Variants in SLC25A29 observed in about 807,000 individuals in gnomAD.
SLC25A29 encodes the protein mitochondrial basic amino acids transporter.
In SLC25A29, 13 loss-of-function variants were observed where a neutral mutation model predicts 10.0. That is an observed-to-expected ratio of 1.30 (90% CI 0.85 to 2.07). SLC25A29 has a LOEUF of 2.07. Ranked by LOEUF, SLC25A29 falls within the 30% of genes most tolerant of loss-of-function variation. SLC25A29 has a pLI of 0.00. For synonymous variants in SLC25A29, 244 were observed against 221.1 expected, an observed-to-expected ratio of 1.10 and a Z score of -0.92; for missense variants, 475 against 447.6, an observed-to-expected ratio of 1.06 and a Z score of -0.55.
Position 100,306,180 on chromosome 14 carries a change from C to A in SLC25A29, c.34+19G>T. Reference sequence around the variant, plus strand: ...CCGGACGCCTCGCCCCGGCCCGGCCCGGCCCGCCGCCTCCTTACCCCCCGC... The same window carrying A: ...CCGGACGCCTCGCCCCGGCCCGGCCAGGCCCGCCGCCTCCTTACCCCCCGC... On this transcript the variant is annotated intron_variant, in intron 1 of 3. Transcript: ENST00000359232. 1 of 1,471,964 alleles carries A rather than the reference C, an allele frequency of 6.8e-7. No homozygotes were observed. 91.2% of individuals were successfully genotyped at this position (1,471,964 alleles called of 1,614,324 possible). A position where few individuals can be genotyped will look rare whatever the true frequency, so the allele number is the denominator to read the frequency against.
intron 2 of SLC25A29, chr14:100,296,081 G>A: frequency 8.3e-7 from 1 of 1,210,246 alleles, no homozygotes; most frequent in South Asian, 1.4e-5. Context: ...GGTGGCCCCT[G>A]ATGATCCTAG....
intron 2 of SLC25A29, chr14:100,295,155 G>A (rs999468626): frequency 1.2e-5 from 2 of 163,224 alleles, no homozygotes; most frequent in Admixed American, 5.7e-5. Context: ...GTCAGGCTTA[G>A]GTCAACTCAG....
At chr14:100,285,570 C>G in the SLC25A29 span, among the ~76,000 whole-genome samples, 1 of 151,972 alleles carries the variant, frequency 6.6e-6, no homozygotes, top group Admixed American at 6.5e-5. Flanking sequence ...TCCCCGCGAG[C>G]CGCCGCCGCT....
rs748397145 is a variant in SLC25A29, at chr14:100,292,826, CTGCAGCTGCAGCCGCGTCT to C, written c.350_368del (p.Lys117ArgfsTer224). The C allele has an allele frequency of 6.3e-7, 1 of 1,591,424 alleles. No homozygotes were observed. Among genetic ancestry groups the C allele is most frequent in the South Asian group, 1.1e-5 (1 of 88,678 alleles). On this transcript the variant is annotated frameshift_variant, in exon 4 of 4. Transcript: ENST00000359232. LOFTEE classifies it low-confidence loss of function (END_TRUNC). The stretch of plus-strand genomic sequence containing the variant: ...TGTAGGTGCGCGCTGGGCCCGCGTC[CTGCAGCTGCAGCCGCGTCT>C]TGGCCAGCTCCATGGGGCAGCAGAT...
intron 1 of SLC25A29, chr14:100,299,650 G>A: frequency 1.0e-6 from 1 of 984,950 alleles, no homozygotes; most frequent in Non-Finnish European, 1.2e-6. Flanking sequence ...CCTAAATGCT[G>A]TGCAGGTGGT....
At chr14:100,301,190 C>T (rs977414706) in intron 1 of SLC25A29, among the ~76,000 whole-genome samples, 4 of 152,118 alleles carry the variant, frequency 2.6e-5, no homozygotes, top group East Asian at 3.9e-4. Flanking sequence ...TTAGCCACCA[C>T]GCCTGGCCTA....
chr14:100,296,316 C>T, intron 2 of SLC25A29: 1 of 277,268 alleles, frequency 3.6e-6, no homozygotes. Flanking sequence ...GTAGTTTCAG[C>T]TACTTGAGAG....
At chr14:100,298,489 T>G in intron 2 of SLC25A29, 4 of 368,338 alleles carry the variant, frequency 1.1e-5, no homozygotes, top group East Asian at 7.0e-5. Context: ...ATGGGAGATA[T>G]GAGTTTTGGT....
downstream of SLC25A29, among the ~76,000 whole-genome samples, chr14:100,288,325 T>C (rs1891585895): frequency 8.0e-6 from 1 of 125,288 alleles, no homozygotes; most frequent in Admixed American, 1.1e-4. Context: ...GAAGTTGCAG[T>C]GAGCCAAGAT....
intron 1 of SLC25A29, among the ~76,000 whole-genome samples, chr14:100,300,644 C>G (rs889838953): frequency 1.3e-5 from 2 of 152,204 alleles, no homozygotes; most frequent in African/African-American, 4.8e-5. Flanking sequence ...TCCCAAAGTG[C>G]TGGGATTACA....
chr14:100,295,604 G>A, intron 2 of SLC25A29: 1 of 1,287,454 alleles, frequency 7.8e-7, no homozygotes, highest in Non-Finnish European at 1.0e-6. Context: ...GCTGGGATCT[G>A]GTTCACCTGG....
At chr14:100,284,907 C>T in the SLC25A29 span, among the ~76,000 whole-genome samples, 1 of 152,106 alleles carries the variant, frequency 6.6e-6, no homozygotes, top group Non-Finnish European at 1.5e-5. Context: ...GGCGTGGTGG[C>T]GCATGCCTCT....
Position 100,306,423 on chromosome 14 carries a change from C to T in SLC25A29, c.-191G>A, listed in dbSNP as rs1892961227. 1 of 413,980 alleles carries T rather than the reference C, an allele frequency of 2.4e-6. No individual in the cohort carries two copies. The highest frequency in any genetic ancestry group is 4.0e-6 in the Non-Finnish European group (1 of 251,554). The allele number at this position is 413,980 out of a possible 1,614,324, so 25.6% of individuals were successfully genotyped here. On this transcript the variant is annotated 5_prime_UTR_variant, in exon 1 of 4. Transcript: ENST00000359232. ...GGCAGCAGCTAGACCCGCGCTGGTCCCTCGGCGGCAGCTGACTCGCTGGAT... is the reference window on the plus strand; with the variant it reads ...GGCAGCAGCTAGACCCGCGCTGGTCTCTCGGCGGCAGCTGACTCGCTGGAT...
downstream of SLC25A29, among the ~76,000 whole-genome samples, chr14:100,288,693 G>T (rs973160378): frequency 2.0e-5 from 3 of 151,758 alleles, no homozygotes; most frequent in African/African-American, 7.3e-5. Context: ...CTTCCTCTAG[G>T]ACTCTGCTCA....
Position 100,298,905 on chromosome 14 carries a change from C to T in SLC25A29, c.35-20G>A. ...CCACACCTGGAGGAGGAGAGGGGGA[C>T]TTGTGACCCACATACCTCAGAAACA... On this transcript the variant is annotated intron_variant, in intron 1 of 3. Transcript: ENST00000359232. 6.2e-7 allele frequency: 1 copy of T among 1,614,058 alleles called. No individual in the cohort carries two copies. The highest frequency in any genetic ancestry group is 8.5e-7 in the Non-Finnish European group (1 of 1,179,952).
chr14:100,293,257 C>T (rs1352072775), intron 3 of SLC25A29, 37 bp downstream of exon 3: 4 of 1,604,914 alleles, frequency 2.5e-6, no homozygotes, highest in African/African-American at 2.7e-5. Context: ...GTTCCCCATC[C>T]TGTGCCTCCC....
chr14:100,300,094 A>G (rs1892439676), intron 1 of SLC25A29: 1 of 347,390 alleles, frequency 2.9e-6, no homozygotes. Context: ...AACATGGTGA[A>G]ACCCCGTCTC....
the SLC25A29 span, among the ~76,000 whole-genome samples, chr14:100,283,588 C>T: frequency 6.7e-6 from 1 of 150,086 alleles, no homozygotes; most frequent in East Asian, 2.0e-4. Context: ...CGGGTTCAAG[C>T]GGTTCTCCTG....
At chr14:100,283,516 CTG>C in the SLC25A29 span, among the ~76,000 whole-genome samples, 1 of 140,394 alleles carries the variant, frequency 7.1e-6, no homozygotes, top group African/African-American at 2.7e-5. Flanking sequence ...TGGAGTATTG[CTG>C]TGTCTCCCAG....
Sources: gnomAD v4.1 joint callset for allele counts (sites outside exome capture counted in the v4.1 genomes callset) on GRCh38, gnomAD v4.1.1 for gene constraint, MANE v1.5 for transcripts, NCBI Gene and HGNC (gene_info 2026-07-23, HGNC 2026-07-21) for gene names.